Variants in RAB31 observed in about 807,000 individuals in gnomAD.
The protein encoded by RAB31 is ras-related protein Rab-31.
Under a neutral mutation model 25.6 loss-of-function variants are expected in RAB31, and 21 were observed. The observed-to-expected ratio is 0.82, with a 90% CI of 0.58 to 1.18. The LOEUF is 1.18. Ranked by LOEUF, RAB31 falls within the 50% of genes most tolerant of loss-of-function variation. The pLI, the probability that RAB31 is intolerant of heterozygous loss-of-function variation, is 0.00. For missense variants in RAB31, 196 were observed against 250.1 expected, an observed-to-expected ratio of 0.78 and a Z score of 1.46; for synonymous variants, 87 against 84.0, an observed-to-expected ratio of 1.04 and a Z score of -0.20.
At chr18:9,810,954 T>C (rs145577730) in intron 3 of RAB31, among the ~76,000 whole-genome samples, 6 of 152,330 alleles carry the variant, frequency 3.9e-5, no homozygotes, top group African/African-American at 1.4e-4. Context: ...AAAAAAATTA[T>C]TGCTTTTTCC....
chr18:9,840,663 A>G (rs1051093807), intron 5 of RAB31, among the ~76,000 whole-genome samples: 2 of 152,210 alleles, frequency 1.3e-5, no homozygotes, highest in Non-Finnish European at 2.9e-5. Flanking sequence ...CAATTCAGAC[A>G]CTGACTACCT....
rs577446759 is a variant in RAB31 at position 9,842,021 on chromosome 18, A to G, written c.381-3561A>G. 2.0e-5 allele frequency among the ~76,000 whole-genome samples: 3 copies of G among 152,184 alleles called. No homozygotes were observed. In the East Asian group the frequency reaches 5.8e-4, roughly 29 times the overall value. ...AGGCCCGAAACAAAGGCCTCCTATAATATTAATTTGACATACAGTTCTGTT... is the reference window on the plus strand; with the variant it reads ...AGGCCCGAAACAAAGGCCTCCTATAGTATTAATTTGACATACAGTTCTGTT... On this transcript the variant is annotated intron_variant, in intron 5 of 6. Transcript: ENST00000578921.
Position 9,845,592 on chromosome 18 carries a change from C to T in RAB31, c.391C>T (p.Leu131=). ...CDLSDIREVP[L]KDAKEYAESI... ...TGACCTCTTTTCCAGGGAGGTTCCC[C>T]TGAAGGATGCTAAGGAATACGCTGA... The change falls in exon 6 of 7, where the codon CTG becomes TTG. Residue 131 remains leucine (L), a synonymous_variant. Transcript: ENST00000578921. 7 of 1,542,872 alleles carry T rather than the reference C, an allele frequency of 4.5e-6. No individual in the cohort carries two copies. Among genetic ancestry groups the T allele is most frequent in the Non-Finnish European group, 6.1e-6 (7 of 1,146,708 alleles).
At chr18:9,732,742 G>A (rs115678234) in intron 1 of RAB31, among the ~76,000 whole-genome samples, 71 of 152,324 alleles carry the variant, frequency 4.7e-4, no homozygotes, top group African/African-American at 1.3e-3. Flanking sequence ...GCAGGGTGCC[G>A]TGAACACCCT....
intron 1 of RAB31, among the ~76,000 whole-genome samples, chr18:9,720,602 C>T (rs900313117): frequency 6.6e-6 from 1 of 151,054 alleles, no homozygotes; most frequent in Non-Finnish European, 1.5e-5. Context: ...GGAGAAGGTT[C>T]CCCAAGATTC....
intron 5 of RAB31, among the ~76,000 whole-genome samples, chr18:9,841,452 T>C (rs981021211): frequency 2.8e-5 from 4 of 144,882 alleles, no homozygotes; most frequent in East Asian, 4.1e-4. Flanking sequence ...GGCAGGAGAA[T>C]GGCGTGAACC....
At chr18:9,815,028 A>G (rs1395218042) in intron 4 of RAB31, 88 bp from the exon 5 acceptor site, 6 of 963,600 alleles carry the variant, frequency 6.2e-6, no homozygotes, top group Non-Finnish European at 9.3e-6. Context: ...ATTTTTCTCC[A>G]TTAAATTGTA....
At chr18:9,764,344 A>C (rs2068303606) in intron 1 of RAB31, among the ~76,000 whole-genome samples, 1 of 152,224 alleles carries the variant, frequency 6.6e-6, no homozygotes, top group African/African-American at 2.4e-5. Context: ...ACGTACGGTG[A>C]ATCAGTGGAT....
intron 3 of RAB31, among the ~76,000 whole-genome samples, chr18:9,807,275 G>C (rs1341971687): frequency 6.6e-6 from 1 of 152,166 alleles, no homozygotes; most frequent in Non-Finnish European, 1.5e-5. Flanking sequence ...CGAAGATACT[G>C]TCCCACACAG....
intron 2 of RAB31, among the ~76,000 whole-genome samples, chr18:9,783,683 C>A (rs1189151660): frequency 6.6e-6 from 1 of 152,022 alleles, no homozygotes; most frequent in East Asian, 1.9e-4. Flanking sequence ...TTAAAATGTA[C>A]TACTACAAAA....
chr18:9,776,229 G>A (rs1475623817), intron 2 of RAB31, among the ~76,000 whole-genome samples: 63 of 152,164 alleles, frequency 4.1e-4, no homozygotes, highest in Admixed American at 4.1e-3. Context: ...CTCCTTGGCC[G>A]CGTGTGCTTT....
intron 5 of RAB31, among the ~76,000 whole-genome samples, chr18:9,843,562 A>C (rs1234859030): frequency 1.3e-5 from 2 of 152,014 alleles, no homozygotes; most frequent in Non-Finnish European, 2.9e-5. Flanking sequence ...AAAAAAAAAA[A>C]AAACTTCAGG....
chr18:9,859,533 C>A lies in RAB31; in HGVS notation c.*208C>A. On this transcript the variant is annotated 3_prime_UTR_variant, in exon 7 of 7. Coordinates refer to ENST00000578921, the MANE Select transcript of RAB31 (RefSeq NM_006868.4). ...CCTGGGAAAACCCACCACACCACCA[C>A]AAAATGGCCTTTAGTGTATGAAATG... is the stretch of plus-strand genomic sequence containing the variant. 2 of 419,832 alleles carry A rather than the reference C, an allele frequency of 4.8e-6. No individual in the cohort carries two copies. The highest frequency in any genetic ancestry group is 8.4e-6 in the Non-Finnish European group (2 of 237,394). The allele number at this position is 419,832 out of a possible 1,614,324, so 26.0% of individuals were successfully genotyped here. A position where few individuals can be genotyped will look rare whatever the true frequency, so the allele number is the denominator to read the frequency against.
At chr18:9,731,918 A>T (rs2017080) in intron 1 of RAB31, among the ~76,000 whole-genome samples, 18,832 of 152,178 alleles carry the variant, frequency 0.12, 1,530 homozygotes, top group South Asian at 0.16. Flanking sequence ...TATCTATGAT[A>T]ATAAGCTCCT....
chr18:9,837,461 G>T (rs2068711518), intron 5 of RAB31, among the ~76,000 whole-genome samples: 1 of 152,186 alleles, frequency 6.6e-6, no homozygotes. Flanking sequence ...GGTTGAAAAT[G>T]ATGAATAAGC....
At chr18:9,801,384 C>T (rs751794691) in intron 3 of RAB31, among the ~76,000 whole-genome samples, 8 of 151,358 alleles carry the variant, frequency 5.3e-5, no homozygotes, top group Non-Finnish European at 8.8e-5. Flanking sequence ...TGCTTTCAAG[C>T]GATTCTCCTG....
intron 1 of RAB31, among the ~76,000 whole-genome samples, chr18:9,773,869 C>T (rs568685460): frequency 1.3e-4 from 20 of 152,164 alleles, no homozygotes; most frequent in African/African-American, 4.8e-4. Context: ...CTATGTTGCC[C>T]AGGCTGGCCT....
chr18:9,712,525 G>C (rs2068022659), intron 1 of RAB31, among the ~76,000 whole-genome samples: 1 of 152,242 alleles, frequency 6.6e-6, no homozygotes, highest in Admixed American at 6.5e-5. Context: ...AACAAAGTAT[G>C]TTAACAACAA....
intron 3 of RAB31, among the ~76,000 whole-genome samples, chr18:9,792,972 T>C (rs533001998): frequency 5.3e-5 from 8 of 152,376 alleles, no homozygotes; most frequent in African/African-American, 1.7e-4. Context: ...AAAATACTTA[T>C]GGAGAAGACT....
Sources: allele counts gnomAD v4.1 joint callset (sites outside exome capture counted in the v4.1 genomes callset), GRCh38; gene constraint gnomAD v4.1.1; transcripts MANE v1.5; gene names NCBI Gene and HGNC (gene_info 2026-07-23, HGNC 2026-07-21).